GNE: variants seen among roughly 807,000 people sequenced by gnomAD.
GNE encodes bifunctional UDP-N-acetylglucosamine 2-epimerase/N-acetylmannosamine kinase.
A neutral mutation model predicts 61.8 loss-of-function variants in GNE; 41 were observed. The observed-to-expected ratio is 0.66, with a 90% CI of 0.52 to 0.86. The LOEUF is 0.86. Among genes scored for constraint, GNE ranks in the 40% least tolerant of loss-of-function variants. The pLI, the probability that GNE is intolerant of heterozygous loss-of-function variation, is 0.00. For missense variants in GNE, 608 were observed against 909.1 expected, an observed-to-expected ratio of 0.67 and a Z score of 4.26; for synonymous variants, 264 against 326.4, an observed-to-expected ratio of 0.81 and a Z score of 2.06.
chr9:36,262,740 G>A (rs10972814), upstream of GNE, among the ~76,000 whole-genome samples: 26,268 of 152,074 alleles, frequency 0.17, 2,461 homozygotes, highest in Non-Finnish European at 0.21. Flanking sequence ...ATCAGAGTGG[G>A]AGACCTTCCT....
chr9:36,238,443 T>C (rs1829497994), intron 3 of GNE, among the ~76,000 whole-genome samples: 2 of 152,354 alleles, frequency 1.3e-5, no homozygotes, highest in South Asian at 4.1e-4. Context: ...TGGCCATTCT[T>C]ACAGGAGTAA....
At chr9:36,254,599 T>TTCA (rs1468324342) in intron 1 of GNE, among the ~76,000 whole-genome samples, 5 of 152,174 alleles carry the variant, frequency 3.3e-5, no homozygotes, top group Admixed American at 6.6e-5. Context: ...GCAATCACTT[T>TTCA]TCATCAGTAC....
chr9:36,249,454 C>G (rs945964071), intron 1 of GNE, 57 bp from the exon 2 acceptor site: 14 of 1,019,770 alleles, frequency 1.4e-5, no homozygotes, highest in Non-Finnish European at 2.0e-5. Context: ...TATAACTAAA[C>G]TTTAAACTTC....
At chr9:36,274,954 G>C (rs902988017) in intron 1 of GNE, among the ~76,000 whole-genome samples, 2 of 152,220 alleles carry the variant, frequency 1.3e-5, no homozygotes, top group African/African-American at 4.8e-5. Context: ...TTGATCTCCT[G>C]ACCTCGTGAT....
At chr9:36,261,839 C>T (rs540662233), upstream of GNE, among the ~76,000 whole-genome samples, 95 of 147,368 alleles carry the variant, frequency 6.4e-4, no homozygotes, top group Non-Finnish European at 1.3e-3. Flanking sequence ...AGGAGAATGG[C>T]GTGAACCCGG....
intron 1 of GNE, among the ~76,000 whole-genome samples, chr9:36,265,798 C>T (rs572014241): frequency 4.4e-4 from 67 of 152,302 alleles, no homozygotes; most frequent in African/African-American, 1.5e-3. Context: ...CCCTAGCATG[C>T]GCCGTTCACA....
chr9:36,270,760 G>A (rs929877342), intron 1 of GNE, among the ~76,000 whole-genome samples: 6 of 151,502 alleles, frequency 4.0e-5, no homozygotes, highest in African/African-American at 7.3e-5. Context: ...CTCGTGATCC[G>A]CCCACCTCAG....
chr9:36,252,284 C>T (rs192094473), intron 1 of GNE, among the ~76,000 whole-genome samples: 3 of 152,178 alleles, frequency 2.0e-5, no homozygotes, highest in East Asian at 3.9e-4. Context: ...CGCACGTGGC[C>T]GCACTATCTA....
At position 36,246,187 on chromosome 9, in the gene GNE, C is replaced by A. The variant is rs1319521886; in HGVS notation, c.460G>T (p.Ala154Ser). The part of the protein sequence containing the change: ...DSIRHAITKL[A>S]HYHVCCTRSA... ...CGGGTGCAGCACACATGATAATGAG[C>A]CAGTTTTGTTATGGCATGTCTGATA... is the stretch of plus-strand genomic sequence containing the variant. The change falls in exon 3 of 12, where the codon GCT (alanine) becomes TCT (serine). Residue 154 changes from alanine to serine, a missense_variant. Physicochemically the swap from Ala to Ser is moderately conservative, Grantham distance 99 (BLOSUM62 1). Coordinates refer to ENST00000642385, the MANE Select transcript of GNE (RefSeq NM_005476.7). The A allele has an allele frequency of 6.2e-7, 1 of 1,614,058 alleles. No homozygotes were observed.
chr9:36,253,208 T>TACATACAC (rs147295613), intron 1 of GNE, among the ~76,000 whole-genome samples: 2,577 of 151,930 alleles, frequency 0.017, 77 homozygotes, highest in African/African-American at 0.059. Flanking sequence ...TGTATGTGTA[T>TACATACAC]ACATACACAC....
chr9:36,219,743 CT>C (rs1251612898), intron 10 of GNE, 94 bp downstream of exon 10: 10 of 1,138,232 alleles, frequency 8.8e-6, no homozygotes, highest in Non-Finnish European at 1.1e-5. Flanking sequence ...AAGGGGGAAA[CT>C]TCTGGCTTCA....
intron 4 of GNE, among the ~76,000 whole-genome samples, 158 bp downstream of exon 4, chr9:36,236,665 TTTTGAGTTA>T (rs1313114814): frequency 6.6e-6 from 1 of 152,200 alleles, no homozygotes; most frequent in Admixed American, 6.5e-5. Flanking sequence ...ATTACAAACT[TTTTGAGTTA>T]TAGCAAAATT....
At position 36,227,368 on chromosome 9, in the gene GNE, G is replaced by A. The variant is rs771785302; in HGVS notation, c.1161C>T (p.Phe387=). The A allele has an allele frequency of 4.3e-6, 7 of 1,611,672 alleles. No homozygotes were observed. The South Asian group carries it at 7.7e-5, about 18-fold the overall frequency. ...IDLQEPLQKK[F]CFPPVKENIS... ...TATTCTCCTTCACAGGAGGAAAGCA[G>A]AATTTCTTTTGCAGTGGCTCTTGAA... Residue 387 remains phenylalanine (F), a synonymous_variant, in exon 7 of 12, where the codon TTC becomes TTT. Coordinates refer to ENST00000642385, the MANE Select transcript of GNE (RefSeq NM_005476.7).
At position 36,231,088 on chromosome 9, in the gene GNE, AG is replaced by A. The variant is rs1563936187; in HGVS notation, c.983-1981del. 1.7e-3 allele frequency among the ~76,000 whole-genome samples: 213 copies of A among 123,632 alleles called. 2 individuals carry two copies. Among genetic ancestry groups the A allele is most frequent in the Middle Eastern group, 8.1e-3 (2 of 246 alleles). 81.1% of individuals were successfully genotyped at this position (123,632 alleles called of 152,430 possible). On this transcript the variant is annotated intron_variant, in intron 5 of 11. Coordinates refer to ENST00000642385, the MANE Select transcript of GNE (RefSeq NM_005476.7). ...CACTAAAAAAAAAAAAAAAAAAGAA[AG>A]AAAGAGAGAGAGAGAAAGAGAAAGA...
intron 1 of GNE, among the ~76,000 whole-genome samples, chr9:36,266,844 G>A (rs1830815127): frequency 6.6e-6 from 1 of 152,114 alleles, no homozygotes; most frequent in African/African-American, 2.4e-5. Context: ...GGGAGGCGGA[G>A]CTTGCAGTGA....
chr9:36,237,047 A>G, intron 3 of GNE, 63 bp from the exon 4 acceptor site: 1 of 1,332,848 alleles, frequency 7.5e-7, no homozygotes, highest in South Asian at 1.2e-5. Context: ...AGAAAGAAGC[A>G]AATTCTGAAA....
chr9:36,272,921 A>C (rs1160883460), intron 1 of GNE, among the ~76,000 whole-genome samples: 2 of 145,670 alleles, frequency 1.4e-5, no homozygotes, highest in Admixed American at 6.8e-5. Context: ...AAAATACAAA[A>C]AAAAAAAAAA....
chr9:36,235,518 G>T (rs1396661605), intron 4 of GNE, among the ~76,000 whole-genome samples: 1 of 152,050 alleles, frequency 6.6e-6, no homozygotes, highest in Non-Finnish European at 1.5e-5. Context: ...TAATTCTAAA[G>T]TATATACAGC....
At chr9:36,219,799 C>G (rs1444764538) in intron 10 of GNE, 39 bp downstream of exon 10, 8 of 1,560,982 alleles carry the variant, frequency 5.1e-6, no homozygotes, top group African/African-American at 1.4e-5. Context: ...TACTTGTCTA[C>G]TATTTGGTTA....
Sources: allele counts gnomAD v4.1 joint callset (sites outside exome capture counted in the v4.1 genomes callset), GRCh38; gene constraint gnomAD v4.1.1; transcripts MANE v1.5; gene names NCBI Gene and HGNC (gene_info 2026-07-23, HGNC 2026-07-21).